Variants in C4orf50 observed in about 807,000 individuals in gnomAD.
C4orf50 encodes the protein chromosome 4 open reading frame 50, also known as uncharacterized protein C4orf50.
In C4orf50, 80 loss-of-function variants were observed where a neutral mutation model predicts 77.2. That is an observed-to-expected ratio of 1.04 (90% CI 0.87 to 1.25). The LOEUF (loss-of-function observed/expected upper bound fraction) is 1.25, where lower values mean the gene tolerates loss of function less well. C4orf50 is among the 50% of genes most tolerant of loss of function. C4orf50 has a pLI of 0.00. For missense variants in C4orf50, 1,257 were observed against 1,152.9 expected (o/e 1.09, Z -1.31); for synonymous variants, 532 against 465.3 (o/e 1.14, Z -1.84).
chr4:5,902,680 C>T (rs541547298), intron 7 of C4orf50: 11 of 152,300 alleles, frequency 7.2e-5, no homozygotes, highest in African/African-American at 9.6e-5. Flanking sequence ...GATCCCCAGA[C>T]GCTAGGTTGC....
chr4:5,952,787 C>T (rs2108757354), downstream of C4orf50, among the ~76,000 whole-genome samples: 1 of 152,304 alleles, frequency 6.6e-6, no homozygotes, highest in Admixed American at 6.5e-5. This position sits in a 1 kb window ranked among gnomAD's most constrained non-coding sequence, Gnocchi z 4.4. Context: ...AAGGAGCGTG[C>T]TCAGAGAGGC....
chr4:5,922,327 C>A (rs569152075), intron 7 of C4orf50, among the ~76,000 whole-genome samples: 4 of 152,196 alleles, frequency 2.6e-5, no homozygotes, highest in African/African-American at 9.6e-5. Context: ...AAGATGCAAA[C>A]CTTAAGTCCG....
At chr4:5,994,861 G>T (rs1560591803) in intron 25 of C4orf50, among the ~76,000 whole-genome samples, 2 of 152,294 alleles carry the variant, frequency 1.3e-5, no homozygotes, top group South Asian at 4.1e-4. Context: ...AGGCGAGCAG[G>T]CATTACCGCC....
Position 6,008,183 on chromosome 4 carries a change from C to T in C4orf50, c.776G>A (p.Arg259His), listed in dbSNP as rs113719973. The change falls in exon 25 of 34, where the codon CGC becomes CAC. Residue 259 changes from arginine to histidine, a missense_variant. Transcript: ENST00000531445. This position sits in a 1 kb window ranked among gnomAD's most constrained non-coding sequence, Gnocchi z 6.0. ...GGTGGCCCGGTGCTCCTGCAGGCTG[C>T]GCGCCGCCTCTTCCCGCTCGCGCTC... is the stretch of plus-strand genomic sequence containing the variant. 2 of 398,286 alleles carry T rather than the reference C, an allele frequency of 5.0e-6. No individual in the cohort carries two copies. The highest frequency in any genetic ancestry group is 4.4e-5 in the Admixed American group (1 of 22,700). The allele number at this position is 398,286 out of a possible 1,614,324, so 24.7% of individuals were successfully genotyped here. A position where few individuals can be genotyped will look rare whatever the true frequency, so the allele number is the denominator to read the frequency against.
At position 6,015,422 on chromosome 4, in the gene C4orf50, G is replaced by A. The variant is rs971173364; in HGVS notation, c.287+2723C>T. On this transcript the variant is annotated intron_variant, in intron 23 of 33. Transcript: ENST00000531445. The surrounding 1 kb of genome is among the most constrained non-coding windows in gnomAD (Gnocchi z 4.4). ...GAGAAACCAATCCTGCCGACCCCCC[G>A]AGCTTGGGCTTTTGGGATCCAGAAA... Among the ~76,000 whole-genome samples the A allele has an allele frequency of 2.0e-5, 3 of 152,006 alleles. No individual in the cohort carries two copies. Among genetic ancestry groups the A allele is most frequent in the African/African-American group, 7.3e-5 (3 of 41,368 alleles).
intron 7 of C4orf50, among the ~76,000 whole-genome samples, chr4:5,944,743 C>G (rs1229936104): frequency 6.6e-6 from 1 of 152,094 alleles, no homozygotes; most frequent in Non-Finnish European, 1.5e-5. Context: ...GACAAGGAAA[C>G]AGAAGAGGGC....
downstream of C4orf50, among the ~76,000 whole-genome samples, chr4:5,953,572 A>G (rs769157597): frequency 2.0e-5 from 3 of 152,234 alleles, no homozygotes; most frequent in Admixed American, 6.5e-5. Context: ...GCCAGTGAGC[A>G]GAGAGCACTG....
At chr4:6,005,856 G>A (rs939884898) in intron 25 of C4orf50, among the ~76,000 whole-genome samples, 1 of 152,120 alleles carries the variant, frequency 6.6e-6, no homozygotes, top group African/African-American at 2.4e-5. Flanking sequence ...TGAAAGCCAA[G>A]CCCCATGAGA....
intron 28 of C4orf50, 52 bp downstream of exon 6, chr4:5,988,295 C>A (rs912874680): frequency 6.3e-7 from 1 of 1,579,162 alleles, no homozygotes; most frequent in Non-Finnish European, 8.6e-7. Context: ...TGGGGTGGCC[C>A]CCGGAACAGA....
Position 5,985,247 on chromosome 4 carries a change from C to T in C4orf50, c.3699+3100G>A, listed in dbSNP as rs994296717. 4.6e-5 allele frequency among the ~76,000 whole-genome samples: 7 copies of T among 151,838 alleles called. No homozygotes were observed. In the South Asian group the frequency reaches 1.5e-3, roughly 32 times the overall value. ...ACAAAAAATCCCACAGTTCTTAGGG[C>T]AAAAGGAAATCAGAGCCACAGAAGA... On this transcript the variant is annotated intron_variant, in intron 28 of 33. Coordinates refer to ENST00000531445, the Ensembl canonical transcript of C4orf50.
chr4:5,996,695 C>G (rs1225417323), intron 25 of C4orf50, among the ~76,000 whole-genome samples: 2 of 152,180 alleles, frequency 1.3e-5, no homozygotes, highest in Non-Finnish European at 2.9e-5. Context: ...TCTCAAAGGC[C>G]AGGGGCCTCA....
exon 28 of C4orf50, chr4:5,990,338 T>C: frequency 1.4e-6 from 1 of 729,446 alleles, no homozygotes; most frequent in Non-Finnish European, 1.9e-6. Context: ...TTCCCCTTCC[T>C]GCCCAAAGTC....
chr4:5,936,546 T>C (rs1459684031), intron 7 of C4orf50, among the ~76,000 whole-genome samples: 1 of 110,758 alleles, frequency 9.0e-6, no homozygotes, highest in Non-Finnish European at 1.7e-5. Context: ...TGGGCAACAA[T>C]GGCAAGACGC....
intron 7 of C4orf50, among the ~76,000 whole-genome samples, chr4:5,939,017 G>A (rs1483424043): frequency 6.6e-6 from 1 of 152,020 alleles, no homozygotes; most frequent in South Asian, 2.1e-4. Flanking sequence ...CAAGGCAGGG[G>A]GATCACCCGA....
intron 32 of C4orf50, among the ~76,000 whole-genome samples, chr4:5,966,042 C>T (rs973986575): frequency 1.3e-5 from 2 of 152,246 alleles, no homozygotes; most frequent in Non-Finnish European, 2.9e-5. Context: ...ATCCCGCCCC[C>T]ACGCTGAGGG....
chr4:5,916,798 T>A lies in C4orf50; in HGVS notation c.*2475-18610A>T, dbSNP rs1717046776. Among the ~76,000 whole-genome samples, 1 of 152,078 alleles carries A rather than the reference T, an allele frequency of 6.6e-6. No individual in the cohort carries two copies. The highest frequency in any genetic ancestry group is 1.5e-5 in the Non-Finnish European group (1 of 68,008). On this transcript the variant is annotated intron_variant, in intron 7 of 7. Transcript: ENST00000324058. This position sits in a 1 kb window ranked among gnomAD's most constrained non-coding sequence, Gnocchi z 4.4. ...AAGAGCACAGAAGGCCTCGCAGATC[T>A]TCTGCTTAGAGGACAGGAGCCTCTG...
rs74475242 is a variant in C4orf50, at chr4:6,012,178, G to T, written c.288-210C>A. Among the ~76,000 whole-genome samples the T allele has an allele frequency of 7.3e-3, 1,108 of 152,236 alleles. 14 individuals carry two copies. The highest frequency in any genetic ancestry group is 0.026 in the African/African-American group (1,060 of 41,542). ...TCAAAGACGTTATTTGAACAATTAGGTACCATGCATCAGAAATCTTCAACG... is the reference window on the plus strand; with the variant it reads ...TCAAAGACGTTATTTGAACAATTAGTTACCATGCATCAGAAATCTTCAACG... On this transcript the variant is annotated intron_variant, in intron 23 of 33. Transcript: ENST00000531445.
intron 25 of C4orf50, among the ~76,000 whole-genome samples, chr4:5,995,973 G>T (rs1263102447): frequency 6.6e-6 from 1 of 152,104 alleles, no homozygotes; most frequent in Admixed American, 6.5e-5. Context: ...CCTCCTTCAG[G>T]TTCTTCTTGC....
intron 31 of C4orf50, among the ~76,000 whole-genome samples, chr4:5,968,361 G>T (rs927119518): frequency 1.6e-4 from 24 of 152,182 alleles, no homozygotes; most frequent in African/African-American, 5.1e-4. Context: ...CTCTAACCTG[G>T]ATTGACTGGT....
Sources: allele counts gnomAD v4.1 joint callset (sites outside exome capture counted in the v4.1 genomes callset), GRCh38; gene constraint gnomAD v4.1.1; non-coding constraint Gnocchi (gnomAD v3.1); transcripts MANE v1.5; gene names NCBI Gene and HGNC (gene_info 2026-07-23, HGNC 2026-07-21).